The following NUBPL variants were observed in gnomAD, a reference collection of about 807,000 sequenced individuals.
NUBPL encodes the protein iron-sulfur cluster transfer protein NUBPL.
In NUBPL, 31 loss-of-function variants were observed where a neutral mutation model predicts 45.7. The ratio of observed to expected loss-of-function variants is 0.68; its 90% CI spans 0.51 to 0.92. NUBPL has a LOEUF of 0.92. Ranked by LOEUF, NUBPL falls within the 40% of genes least tolerant of loss-of-function variation. NUBPL has a pLI of 0.00. For missense variants in NUBPL, 401 were observed against 398.7 expected (o/e 1.01, Z -0.05); for synonymous variants, 144 against 140.9 (o/e 1.02, Z -0.15).
intron 6 of NUBPL, among the ~76,000 whole-genome samples, chr14:31,755,549 G>T (rs1595586073): frequency 6.6e-6 from 1 of 151,790 alleles, no homozygotes; most frequent in Non-Finnish European, 1.5e-5. Flanking sequence ...GGAGTTGTTT[G>T]TTTTTTTCTT....
intron 7 of NUBPL, among the ~76,000 whole-genome samples, chr14:31,807,484 G>C (rs1247469466): frequency 6.6e-6 from 1 of 151,932 alleles, no homozygotes; most frequent in Admixed American, 6.6e-5. Flanking sequence ...TTTTTTCCTT[G>C]AAAATTGGCT....
chr14:31,696,617 T>C (rs897877133), intron 6 of NUBPL, among the ~76,000 whole-genome samples: 5 of 152,220 alleles, frequency 3.3e-5, no homozygotes, highest in African/African-American at 1.2e-4. Flanking sequence ...ATTTGTAGAC[T>C]AACTCAGGCT....
At chr14:31,795,100 T>C (rs1352653750) in intron 7 of NUBPL, among the ~76,000 whole-genome samples, 1 of 149,868 alleles carries the variant, frequency 6.7e-6, no homozygotes, top group Non-Finnish European at 1.5e-5. Context: ...TATCTCTGTT[T>C]TGGTACCAGT....
chr14:31,771,770 C>A, intron 6 of NUBPL: 1 of 494,520 alleles, frequency 2.0e-6, no homozygotes, highest in Non-Finnish European at 2.6e-6. Context: ...CTATTAATTT[C>A]CTTGTGCTCT....
chr14:31,589,837 A>G (rs888907934), intron 3 of NUBPL, among the ~76,000 whole-genome samples: 2 of 152,212 alleles, frequency 1.3e-5, no homozygotes, highest in African/African-American at 2.4e-5. Context: ...ATTGTTAGCA[A>G]TAGCTCTAAG....
chr14:31,733,934 G>T (rs946218681), intron 6 of NUBPL, among the ~76,000 whole-genome samples: 2 of 152,158 alleles, frequency 1.3e-5, no homozygotes, highest in African/African-American at 4.8e-5. Context: ...ATCAGCTTCA[G>T]AGAGTTCTGT....
At chr14:31,701,552 G>A (rs1259518917) in intron 6 of NUBPL, among the ~76,000 whole-genome samples, 8 of 152,168 alleles carry the variant, frequency 5.3e-5, no homozygotes, top group African/African-American at 1.4e-4. Context: ...TTGGGTCCGC[G>A]CCGCCTTTAT....
At chr14:31,631,993 A>C (rs938515226) in intron 4 of NUBPL, among the ~76,000 whole-genome samples, 1 of 152,144 alleles carries the variant, frequency 6.6e-6, no homozygotes, top group South Asian at 2.1e-4. Context: ...CCCTTCATCT[A>C]AGTTGTATAA....
At chr14:31,640,211 C>T (rs1030101185) in intron 4 of NUBPL, among the ~76,000 whole-genome samples, 3 of 152,188 alleles carry the variant, frequency 2.0e-5, no homozygotes, top group African/African-American at 7.2e-5. Flanking sequence ...AGAGCTGTTC[C>T]TATTCGGCCA....
chr14:31,736,173 G>A (rs1002679320), intron 6 of NUBPL, among the ~76,000 whole-genome samples: 1 of 152,134 alleles, frequency 6.6e-6, no homozygotes, highest in Non-Finnish European at 1.5e-5. Context: ...AAGCCAAATT[G>A]CTTCCCAAAA....
intron 10 of NUBPL, among the ~76,000 whole-genome samples, chr14:31,855,278 T>C (rs975420170): frequency 4.6e-5 from 7 of 152,356 alleles, no homozygotes; most frequent in African/African-American, 1.4e-4. Context: ...CCTTTCTTTA[T>C]AAGTAGATGT....
intron 4 of NUBPL, chr14:31,654,064 A>C (rs940946109): frequency 6.6e-6 from 3 of 455,320 alleles, no homozygotes; most frequent in Admixed American, 2.4e-5. Flanking sequence ...TACTTGGTAC[A>C]TACAGGTATA....
chr14:31,666,575 G>T (rs903525752), intron 4 of NUBPL, among the ~76,000 whole-genome samples: 1 of 152,008 alleles, frequency 6.6e-6, no homozygotes, highest in Non-Finnish European at 1.5e-5. Flanking sequence ...GGTTAATATT[G>T]TTATGTGTGA....
At chr14:31,857,916 C>T (rs1322208445) in intron 10 of NUBPL, among the ~76,000 whole-genome samples, 1 of 152,176 alleles carries the variant, frequency 6.6e-6, no homozygotes, top group South Asian at 2.1e-4. Flanking sequence ...TCCAAAGTCA[C>T]TTCCACATTT....
intron 4 of NUBPL, among the ~76,000 whole-genome samples, chr14:31,642,836 A>G (rs575313389): frequency 6.6e-6 from 1 of 152,158 alleles, no homozygotes; most frequent in South Asian, 2.1e-4. Context: ...TTCTTTCATC[A>G]GTGTTTTATG....
chr14:31,657,344 A>G (rs879700292), intron 4 of NUBPL, among the ~76,000 whole-genome samples: 45 of 152,346 alleles, frequency 3.0e-4, no homozygotes, highest in Middle Eastern at 3.4e-3. Context: ...TAAATGGGTA[A>G]TATAGTAAGG....
intron 4 of NUBPL, among the ~76,000 whole-genome samples, chr14:31,651,451 T>G (rs1369783059): frequency 1.3e-5 from 2 of 152,182 alleles, no homozygotes; most frequent in Admixed American, 6.5e-5. Flanking sequence ...TTTTTAAGGA[T>G]GGGTTATCTC....
At chr14:31,677,288 T>A (rs772112783) in intron 6 of NUBPL, among the ~76,000 whole-genome samples, 4 of 152,210 alleles carry the variant, frequency 2.6e-5, no homozygotes, top group Admixed American at 6.5e-5. Context: ...TTTTATTCAT[T>A]CTTTCTGTTT....
At chr14:31,832,551 A>G (rs1412591154) in intron 8 of NUBPL, among the ~76,000 whole-genome samples, 4 of 152,204 alleles carry the variant, frequency 2.6e-5, no homozygotes, top group African/African-American at 4.8e-5. Flanking sequence ...GTGTTTGTCA[A>G]GGAAGAAACT....
Sources: allele counts gnomAD v4.1 joint callset (sites outside exome capture counted in the v4.1 genomes callset), GRCh38; gene constraint gnomAD v4.1.1; transcripts MANE v1.5; gene names NCBI Gene and HGNC (gene_info 2026-07-23, HGNC 2026-07-21).